The following ARB2A variants were observed in gnomAD, a reference collection of about 807,000 sequenced individuals.
The protein encoded by ARB2A is cotranscriptional regulator ARB2A.
the ARB2A span, among the ~76,000 whole-genome samples, chr5:93,681,819 G>T: frequency 6.8e-4 from 103 of 152,172 alleles, no homozygotes; most frequent in African/African-American, 2.5e-3. Context: ...GTAAAAATAA[G>T]AAGAAAAGAG....
At chr5:93,784,973 C>T in the ARB2A span, among the ~76,000 whole-genome samples, 2 of 152,200 alleles carry the variant, frequency 1.3e-5, no homozygotes, top group Non-Finnish European at 2.9e-5. Flanking sequence ...TGCTCTTCAC[C>T]ATGGCCTTGT....
At chr5:93,796,468 A>T in the ARB2A span, among the ~76,000 whole-genome samples, 1 of 152,182 alleles carries the variant, frequency 6.6e-6, no homozygotes. Context: ...GGGTTATTAC[A>T]GCTGCCAGAT....
At chr5:93,994,585 T>C in the ARB2A span, among the ~76,000 whole-genome samples, 1 of 152,154 alleles carries the variant, frequency 6.6e-6, no homozygotes, top group Non-Finnish European at 1.5e-5. Context: ...TTAAACTGTA[T>C]AGGTTCACTT....
the ARB2A span, among the ~76,000 whole-genome samples, chr5:93,937,443 A>G: frequency 6.6e-6 from 1 of 151,588 alleles, no homozygotes; most frequent in Non-Finnish European, 1.5e-5. Flanking sequence ...TCTATTAAAA[A>G]AAAAAAATAC....
chr5:93,985,904 C>A, the ARB2A span, among the ~76,000 whole-genome samples: 1 of 149,802 alleles, frequency 6.7e-6, no homozygotes, highest in Non-Finnish European at 1.5e-5. Flanking sequence ...ATATGAGGAG[C>A]CCCTCTGCCC....
the ARB2A span, among the ~76,000 whole-genome samples, chr5:93,623,824 A>G: frequency 6.6e-6 from 1 of 152,204 alleles, no homozygotes; most frequent in African/African-American, 2.4e-5. Context: ...CTAAGGAATG[A>G]TAACATGAAT....
the ARB2A span, among the ~76,000 whole-genome samples, chr5:93,848,418 A>G: frequency 2.0e-5 from 3 of 151,608 alleles, no homozygotes; most frequent in South Asian, 6.2e-4. Flanking sequence ...AGAGATATTG[A>G]CTGATACGTC....
the ARB2A span, among the ~76,000 whole-genome samples, chr5:93,835,263 A>G: frequency 6.6e-6 from 1 of 152,346 alleles, no homozygotes; most frequent in South Asian, 2.1e-4. Flanking sequence ...CTGAGCTGAC[A>G]GCACATGGAA....
the ARB2A span, among the ~76,000 whole-genome samples, chr5:93,685,790 C>G: frequency 6.6e-6 from 1 of 152,142 alleles, no homozygotes; most frequent in African/African-American, 2.4e-5. Flanking sequence ...CCTTCCTTGC[C>G]TCTTTCTACT....
chr5:93,865,522 T>C, the ARB2A span: 2 of 985,446 alleles, frequency 2.0e-6, no homozygotes, highest in Non-Finnish European at 2.4e-6. Flanking sequence ...TGTACTTTTA[T>C]CACACTACTA....
At chr5:93,839,059 A>C in the ARB2A span, among the ~76,000 whole-genome samples, 3,772 of 152,218 alleles carry the variant, frequency 0.025, 77 homozygotes, top group Non-Finnish European at 0.04. Context: ...TACTCTGGCC[A>C]GGACTTCCAA....
the ARB2A span, among the ~76,000 whole-genome samples, chr5:93,975,854 C>T: frequency 3.3e-5 from 5 of 151,978 alleles, no homozygotes; most frequent in Non-Finnish European, 7.4e-5. Flanking sequence ...CTACTAGATA[C>T]GCAAAGAGCT....
the ARB2A span, among the ~76,000 whole-genome samples, chr5:93,785,032 C>T: frequency 6.6e-6 from 1 of 152,148 alleles, no homozygotes; most frequent in Non-Finnish European, 1.5e-5. Context: ...CATTCAAAGC[C>T]TATTAATTTT....
the ARB2A span, among the ~76,000 whole-genome samples, chr5:94,034,702 TAGACTGAATGTTTGATTTCTGACA>T: frequency 6.6e-6 from 1 of 152,184 alleles, no homozygotes; most frequent in Non-Finnish European, 1.5e-5. Flanking sequence ...ATGCGTCCAT[TAGACTGAATGTTTGATTTCTGACA>T]AGGCACAATG....
the ARB2A span, among the ~76,000 whole-genome samples, chr5:93,925,003 C>T: frequency 6.6e-6 from 1 of 152,008 alleles, no homozygotes; most frequent in Non-Finnish European, 1.5e-5. Flanking sequence ...TGACTAACTA[C>T]CACCTCATTA....
the ARB2A span, among the ~76,000 whole-genome samples, chr5:93,927,112 A>C: frequency 1.3e-5 from 2 of 152,178 alleles, no homozygotes. Context: ...GCAAGTAAAT[A>C]TGTAAGTAGA....
At chr5:93,843,328 G>T in the ARB2A span, among the ~76,000 whole-genome samples, 1 of 151,774 alleles carries the variant, frequency 6.6e-6, no homozygotes, top group South Asian at 2.1e-4. Context: ...GAAAGAAACG[G>T]AAGTTTTGCA....
the ARB2A span, among the ~76,000 whole-genome samples, chr5:94,018,672 C>T: frequency 1.3e-5 from 2 of 152,112 alleles, no homozygotes; most frequent in Admixed American, 1.3e-4. Flanking sequence ...AGGTCCTTCA[C>T]ATCCCTTGTA....
chr5:93,709,265 C>T, the ARB2A span, among the ~76,000 whole-genome samples: 1 of 151,992 alleles, frequency 6.6e-6, no homozygotes, highest in African/African-American at 2.4e-5. Context: ...GATTTTTTTA[C>T]CCCATGGTTG....
Sources: allele counts gnomAD v4.1 joint callset (sites outside exome capture counted in the v4.1 genomes callset), GRCh38; gene constraint gnomAD v4.1.1; transcripts MANE v1.5; gene names NCBI Gene and HGNC (gene_info 2026-07-23, HGNC 2026-07-21).